Variants in AFAP1L1 observed in about 807,000 individuals in gnomAD.
AFAP1L1 encodes actin filament associated protein 1 like 1.
A neutral mutation model predicts 99.8 loss-of-function variants in AFAP1L1; 77 were observed. That is an observed-to-expected ratio of 0.77 (90% CI 0.64 to 0.93). AFAP1L1 has a LOEUF of 0.93. Among genes scored for constraint, AFAP1L1 ranks in the 40% least tolerant of loss-of-function variants. The pLI, the probability that AFAP1L1 is intolerant of heterozygous loss-of-function variation, is 0.00. For synonymous variants in AFAP1L1, 373 were observed against 395.3 expected (o/e 0.94, Z 0.67); for missense variants, 893 against 996.8 (o/e 0.90, Z 1.40).
intron 1 of AFAP1L1, among the ~76,000 whole-genome samples, chr5:149,285,090 G>A (rs1000434): frequency 1.3e-5 from 2 of 152,242 alleles, no homozygotes; most frequent in Admixed American, 6.5e-5. Flanking sequence ...GAATCACCCC[G>A]GGGTCTCCTA....
At chr5:149,315,662 A>G in intron 9 of AFAP1L1, 159 bp from the exon 10 acceptor site, 1 of 642,370 alleles carries the variant, frequency 1.6e-6, no homozygotes, top group South Asian at 1.8e-5. Flanking sequence ...TGTCTTTTCA[A>G]TACCTGGTAT....
At chr5:149,310,709 A>G (rs1756602950) in intron 8 of AFAP1L1, among the ~76,000 whole-genome samples, 1 of 152,224 alleles carries the variant, frequency 6.6e-6, no homozygotes, top group South Asian at 2.1e-4. Context: ...AAACTAAGAC[A>G]CAGCTTTGAG....
At position 149,340,602 on chromosome 5, in the gene AFAP1L1, A is replaced by G. The variant is rs984978099; in HGVS notation, c.*572A>G. 18 of 153,024 alleles carry G rather than the reference A, an allele frequency of 1.2e-4. No homozygotes were observed. The highest frequency in any genetic ancestry group is 4.3e-4 in the African/African-American group (18 of 41,588). The allele number at this position is 153,024 out of a possible 1,614,324, so 9.5% of individuals were successfully genotyped here. A position where few individuals can be genotyped will look rare whatever the true frequency, so the allele number is the denominator to read the frequency against. ...GAACAAAAGCTATAGAGGACATGCA[A>G]ATTCTACAGTCATTCCTCATATGCT... On this transcript the variant is annotated 3_prime_UTR_variant, in exon 19 of 19. Coordinates refer to ENST00000296721, the MANE Select transcript of AFAP1L1 (RefSeq NM_152406.4).
At position 149,284,316 on chromosome 5, in the gene AFAP1L1, G is replaced by A. The variant is rs565451394; in HGVS notation, c.16+12332G>A. Among the ~76,000 whole-genome samples, 52 of 152,296 alleles carry A rather than the reference G, an allele frequency of 3.4e-4. 1 individual carries two copies. The South Asian group carries it at 9.3e-3, about 27-fold the overall frequency. On this transcript the variant is annotated intron_variant, in intron 1 of 18. Transcript: ENST00000296721. Reference sequence around the variant, plus strand: ...AGTATGACGACTGAGGGCTCTGGCCGTGGTGTCAAGTTGCCTGGGGTTTGA... The same window carrying A: ...AGTATGACGACTGAGGGCTCTGGCCATGGTGTCAAGTTGCCTGGGGTTTGA...
Position 149,299,578 on chromosome 5 carries a change from C to T in AFAP1L1, c.86C>T (p.Thr29Ile), listed in dbSNP as rs768682537. 10 of 1,614,032 alleles carry T rather than the reference C, an allele frequency of 6.2e-6. No individual in the cohort carries two copies. The East Asian group carries it at 1.8e-4, about 29-fold the overall frequency. ...CTGGACCACGAGTACCTCAGCGATA[C>T]CACCCTGGAAAAGAAGATGGCCGTG... ...SLLDHEYLSD[T>I]TLEKKMAVAS... The change falls in exon 2 of 19, where the codon ACC (threonine) becomes ATC (isoleucine). Residue 29 changes from threonine to isoleucine, a missense_variant. Transcript: ENST00000296721.
chr5:149,313,602 G>T (rs951246316), intron 9 of AFAP1L1, among the ~76,000 whole-genome samples: 1 of 152,182 alleles, frequency 6.6e-6, no homozygotes, highest in African/African-American at 2.4e-5. Flanking sequence ...ACACATATCC[G>T]GGGCACCCCA....
At chr5:149,286,376 C>G (rs889827822) in intron 1 of AFAP1L1, among the ~76,000 whole-genome samples, 2 of 150,828 alleles carry the variant, frequency 1.3e-5, no homozygotes, top group African/African-American at 5.0e-5. Context: ...ATGCCGCAAA[C>G]AAACAGCACC....
At chr5:149,284,660 C>T (rs935888529) in intron 1 of AFAP1L1, among the ~76,000 whole-genome samples, 2 of 152,120 alleles carry the variant, frequency 1.3e-5, no homozygotes, top group African/African-American at 2.4e-5. Flanking sequence ...GCATGGGGCA[C>T]GTGAGGATCT....
In AFAP1L1 at chr5:149,315,919, G is replaced by C. The variant is rs561211277; in HGVS notation, c.1114+5G>C. The C allele has an allele frequency of 6.2e-7, 1 of 1,614,100 alleles. No individual in the cohort carries two copies. Among genetic ancestry groups the C allele is most frequent in the Non-Finnish European group, 8.5e-7 (1 of 1,179,984 alleles). On this transcript the variant is annotated splice_donor_5th_base_variant and intron_variant, in intron 10 of 18. Transcript: ENST00000296721. ...GCCGGGAGACCTGTGATCACGGTAG[G>C]AGCCTCTGGGGGCTCAGGCTGGGGA...
At chr5:149,286,383 C>T (rs1006739167) in intron 1 of AFAP1L1, among the ~76,000 whole-genome samples, 2 of 152,162 alleles carry the variant, frequency 1.3e-5, no homozygotes, top group African/African-American at 4.8e-5. Flanking sequence ...AAACAAACAG[C>T]ACCAGGGTAG....
intron 18 of AFAP1L1, among the ~76,000 whole-genome samples, chr5:149,336,008 A>G (rs1757395305): frequency 6.6e-6 from 1 of 152,228 alleles, no homozygotes; most frequent in Non-Finnish European, 1.5e-5. Context: ...GAGGTAACTG[A>G]AAATCGAGGA....
Position 149,322,590 on chromosome 5 carries a change from C to T in AFAP1L1, c.1699-16C>T, listed in dbSNP as rs771633606. On this transcript the variant is annotated splice_polypyrimidine_tract_variant and intron_variant, in intron 14 of 18. Transcript: ENST00000296721. The stretch of plus-strand genomic sequence containing the variant: ...CGCCTGCCTGAACTTGACTGTCTTC[C>T]TCCATCTCCCACCAGGACGAGGAGC... 4 of 1,553,946 alleles carry T rather than the reference C, an allele frequency of 2.6e-6. No individual in the cohort carries two copies. The highest frequency in any genetic ancestry group is 4.8e-5 in the East Asian group (2 of 41,762).
chr5:149,305,360 G>A (rs1561671222), intron 5 of AFAP1L1, among the ~76,000 whole-genome samples: 1 of 152,178 alleles, frequency 6.6e-6, no homozygotes, highest in Non-Finnish European at 1.5e-5. Flanking sequence ...ATGTTCCAGG[G>A]ACTGCCTGCA....
intron 7 of AFAP1L1, among the ~76,000 whole-genome samples, chr5:149,308,190 T>C (rs2127596368): frequency 6.6e-6 from 1 of 152,328 alleles, no homozygotes; most frequent in South Asian, 2.1e-4. Context: ...TACCATGTTT[T>C]TGTTTTGACA....
Position 149,332,885 on chromosome 5 carries a change from C to T in AFAP1L1, c.2154+12C>T, listed in dbSNP as rs1393587541. On this transcript the variant is annotated intron_variant, in intron 17 of 18. Transcript: ENST00000296721. ...AGCCCAAGAGTGGGGTGAGTCCAGG[C>T]CCTTCCATGCCAGGGGCAGCTACTC... 2.6e-6 allele frequency: 4 copies of T among 1,555,562 alleles called. No homozygotes were observed. Among genetic ancestry groups the T allele is most frequent in the Admixed American group, 4.2e-5 (2 of 47,688 alleles).
intron 6 of AFAP1L1, 101 bp from the exon 7 acceptor site, chr5:149,307,301 C>A: frequency 7.8e-7 from 1 of 1,280,882 alleles, no homozygotes; most frequent in Non-Finnish European, 1.1e-6. Context: ...ATGCCCATGC[C>A]TTCCTAGCCT....
At chr5:149,317,668 C>T (rs947913754) in intron 11 of AFAP1L1, 61 bp from the exon 12 acceptor site, 1 of 1,572,892 alleles carries the variant, frequency 6.4e-7, no homozygotes, top group Admixed American at 1.7e-5. Flanking sequence ...ATGGAGCCGC[C>T]TTGCGTCCCC....
chr5:149,300,688 A>G (rs998001940), intron 3 of AFAP1L1, among the ~76,000 whole-genome samples: 1 of 152,212 alleles, frequency 6.6e-6, no homozygotes, highest in Non-Finnish European at 1.5e-5. Flanking sequence ...CAGAAATGAT[A>G]GCTTGCATGG....
In AFAP1L1 at chr5:149,318,049, G is replaced by A. The variant is rs1455387613; in HGVS notation, c.1479+109G>A. 6.9e-6 allele frequency: 9 copies of A among 1,295,002 alleles called. No individual in the cohort carries two copies. The Admixed American group carries it at 1.9e-4, about 27-fold the overall frequency. 80.2% of individuals were successfully genotyped at this position (1,295,002 alleles called of 1,614,324 possible). ...GCTACTGACACCATGGGGACTGAAGGGGAAGGAAAGCAAGCCTCACTCCTG... is the reference window on the plus strand; with the variant it reads ...GCTACTGACACCATGGGGACTGAAGAGGAAGGAAAGCAAGCCTCACTCCTG... On this transcript the variant is annotated intron_variant, in intron 12 of 18. Transcript: ENST00000296721.
Sources: allele counts gnomAD v4.1 joint callset (sites outside exome capture counted in the v4.1 genomes callset), GRCh38; gene constraint gnomAD v4.1.1; transcripts MANE v1.5; gene names NCBI Gene and HGNC (gene_info 2026-07-23, HGNC 2026-07-21).